The following SLC27A5 variants were observed in gnomAD, a reference collection of about 807,000 sequenced individuals.
SLC27A5 encodes solute carrier family 27 member 5.
A neutral mutation model predicts 63.1 loss-of-function variants in SLC27A5; 47 were observed. The ratio of observed to expected loss-of-function variants is 0.74; its 90% CI spans 0.59 to 0.95. The LOEUF (loss-of-function observed/expected upper bound fraction) is 0.95. Among genes scored for constraint, SLC27A5 ranks in the 40% least tolerant of loss-of-function variants. SLC27A5 has a pLI of 0.00. For synonymous variants in SLC27A5, 391 were observed against 403.8 expected (o/e 0.97, Z 0.38); for missense variants, 940 against 921.0 (o/e 1.02, Z -0.27).
rs560422843 is a variant in SLC27A5 at position 58,509,415 on chromosome 19, T to TA, written c.1057+431dup. On this transcript the variant is annotated intron_variant, in intron 3 of 9. Transcript: ENST00000263093. ...AAAAATAAATAAATAAAAATTAAAATAAAAAAAAAAGAGAGAAAACAAAAA... is the reference window on the plus strand; with the variant it reads ...AAAAATAAATAAATAAAAATTAAAATAAAAAAAAAAAGAGAGAAAACAAAAA... The TA allele has an allele frequency of 1.4e-3, 203 of 145,362 alleles. 1 individual carries two copies. The highest frequency in any genetic ancestry group is 1.5e-3 in the African/African-American group (59 of 39,252). The allele number at this position is 145,362 out of a possible 1,614,324, so 9.0% of individuals were successfully genotyped here.
In SLC27A5 at chr19:58,500,869, G is replaced by A. The variant is rs1465061155; in HGVS notation, c.1183-163C>T. ...ATCTACCTGGGTTACTTACATGAGAGTAGTTACTGGAGTCTTAAATAGAGG... is the reference window on the plus strand; with the variant it reads ...ATCTACCTGGGTTACTTACATGAGAATAGTTACTGGAGTCTTAAATAGAGG... On this transcript the variant is annotated intron_variant, in intron 4 of 9. Transcript: ENST00000263093. 2.8e-6 allele frequency: 4 copies of A among 1,431,472 alleles called. No homozygotes were observed. The African/African-American group carries it at 4.3e-5, about 15-fold the overall frequency. 88.7% of individuals were successfully genotyped at this position (1,431,472 alleles called of 1,614,324 possible).
chr19:58,499,115 C>T lies in SLC27A5; in HGVS notation c.1765+8G>A, dbSNP rs1222541267. On this transcript the variant is annotated splice_region_variant and intron_variant, in intron 8 of 9. Coordinates refer to ENST00000263093, the MANE Select transcript of SLC27A5 (RefSeq NM_012254.3). ...CTGTTGGAAGTTTAAAATGAGAACC[C>T]TCCGCACCTGGCACGCACACGCCAT... 2 of 1,613,788 alleles carry T rather than the reference C, an allele frequency of 1.2e-6. No individual in the cohort carries two copies. The highest frequency in any genetic ancestry group is 1.7e-6 in the Non-Finnish European group (2 of 1,179,976).
intron 3 of SLC27A5, among the ~76,000 whole-genome samples, chr19:58,505,860 A>AC (rs979355721): frequency 6.6e-6 from 1 of 151,048 alleles, no homozygotes; most frequent in African/African-American, 2.4e-5. Context: ...AAAAAAAAAA[A>AC]AAAAACATTT....
chr19:58,504,999 C>G (rs2053328676), intron 3 of SLC27A5, among the ~76,000 whole-genome samples: 1 of 150,466 alleles, frequency 6.6e-6, no homozygotes, highest in African/African-American at 2.4e-5. Context: ...GAGCGAGACT[C>G]CATCTCAAAG....
Position 58,501,304 on chromosome 19 carries a change from G to A in SLC27A5, c.1164C>T (p.Tyr388=), listed in dbSNP as rs746567408. Reference sequence around the variant, plus strand: ...GCCTCACCTGGGGAATGTTACACAAGTACCGCAGGAGCTCGCCCACATACA... The same window carrying A: ...GCCTCACCTGGGGAATGTTACACAAATACCGCAGGAGCTCGCCCACATACA... The part of the protein sequence containing the change: ...VILYVGELLR[Y]LCNIPQQPED... Residue 388 remains tyrosine, a synonymous_variant, in exon 4 of 10, where the codon TAC becomes TAT. Transcript: ENST00000263093. The A allele has an allele frequency of 8.1e-6, 13 of 1,613,450 alleles. No individual in the cohort carries two copies. Among genetic ancestry groups the A allele is most frequent in the Non-Finnish European group, 1.1e-5 (13 of 1,179,694 alleles).
rs1337292474 is a variant in SLC27A5, at chr19:58,510,772, C to G, written c.847G>C (p.Gly283Arg). 6.2e-7 allele frequency: 1 copy of G among 1,613,464 alleles called. No individual in the cohort carries two copies. The change falls in exon 2 of 10, where the codon GGG becomes CGG. Residue 283 changes from glycine (G) to arginine (R), a missense_variant. Coordinates refer to ENST00000263093, the MANE Select transcript of SLC27A5 (RefSeq NM_012254.3). Reference protein sequence around the residue: ...SHPVPADLRAGITWRSPALFI... With the variant: ...SHPVPADLRARITWRSPALFI... ...AGGGCAGGGCTTCTCCATGTGATCC[C>G]AGCACGCAGGTCAGCAGGCACTGGG...
rs1201789683 is a variant in SLC27A5 at position 58,499,234 on chromosome 19, G to A, written c.1668-14C>T. The A allele has an allele frequency of 6.2e-7, 1 of 1,611,796 alleles. No individual in the cohort carries two copies. The highest frequency in any genetic ancestry group is 1.1e-5 in the South Asian group (1 of 91,010). ...TCGCCCTTCCATCTGCAAGGAGGGA[G>A]CCGGCGCTTGTGACCACGCCCCCGG... On this transcript the variant is annotated splice_polypyrimidine_tract_variant and intron_variant, in intron 7 of 9. Transcript: ENST00000263093.
intron 7 of SLC27A5, 62 bp from the exon 8 acceptor site, chr19:58,499,282 CCCCCG>C: frequency 6.7e-7 from 1 of 1,499,896 alleles, no homozygotes; most frequent in Non-Finnish European, 9.1e-7. Context: ...CCGCCTCTTG[CCCCCG>C]CCCCGCCCCT....
At chr19:58,499,073 C>G (rs748932500) in intron 8 of SLC27A5, 50 bp downstream of exon 8, 5 of 1,608,342 alleles carry the variant, frequency 3.1e-6, no homozygotes, top group Non-Finnish European at 1.7e-6. Context: ...AGAATAACGA[C>G]CCCTCCACCC....
chr19:58,500,837 C>T, intron 4 of SLC27A5, 131 bp from the exon 5 acceptor site: 1 of 1,461,230 alleles, frequency 6.8e-7, no homozygotes. Flanking sequence ...GGACCTCTAC[C>T]TAAGGGATCT....
Position 58,511,958 on chromosome 19 carries a change from T to C in SLC27A5, c.-3A>G, listed in dbSNP as rs763155994. 12 of 1,531,970 alleles carry C rather than the reference T, an allele frequency of 7.8e-6. No individual in the cohort carries two copies. Among genetic ancestry groups the C allele is most frequent in the African/African-American group, 1.4e-5 (1 of 72,896 alleles). 94.9% of individuals were successfully genotyped at this position (1,531,970 alleles called of 1,614,324 possible). The stretch of plus-strand genomic sequence containing the variant: ...GCCAACTGTTGCCTGACACCCATGG[T>C]ACCAGCTCCTCCCTAGGAGCAGCAG... On this transcript the variant is annotated 5_prime_UTR_variant, in exon 1 of 10. Transcript: ENST00000263093.
rs1414101672 is a variant in SLC27A5, at chr19:58,498,370, C to T, written c.*145G>A. On this transcript the variant is annotated 3_prime_UTR_variant, in exon 10 of 10. Coordinates refer to ENST00000263093, the MANE Select transcript of SLC27A5 (RefSeq NM_012254.3). The stretch of plus-strand genomic sequence containing the variant: ...ATCTGAGTTTATTCTGCCACTGCTA[C>T]AGGGCCCACTGTCATTTCCAGCCCA... 9 of 769,492 alleles carry T rather than the reference C, an allele frequency of 1.2e-5. No individual in the cohort carries two copies. The highest frequency in any genetic ancestry group is 1.8e-5 in the African/African-American group (1 of 56,928). The allele number at this position is 769,492 out of a possible 1,614,324, so 47.7% of individuals were successfully genotyped here.
At position 58,500,569 on chromosome 19, in the gene SLC27A5, G is replaced by C; in HGVS notation, c.1320C>G (p.Gly440=). The C allele has an allele frequency of 3.1e-6, 5 of 1,614,126 alleles. No homozygotes were observed. Among genetic ancestry groups the C allele is most frequent in the Non-Finnish European group, 4.2e-6 (5 of 1,180,038 alleles). The stretch of plus-strand genomic sequence containing the variant: ...CGCAGCGCCCCACATAGTTGACTAA[G>C]CCCATGTTGCCTTCTGTGGAGCCGT... ...EVYGSTEGNM[G]LVNYVGRCGA... is the part of the protein sequence containing the mutation. Residue 440 remains glycine (G), a synonymous_variant, in exon 5 of 10, where the codon GGC becomes GGG. Coordinates refer to ENST00000263093, the MANE Select transcript of SLC27A5 (RefSeq NM_012254.3).
chr19:58,500,418 G>A lies in SLC27A5; in HGVS notation c.1389C>T (p.Pro463=), dbSNP rs1227787090. Residue 463 remains proline (P), a synonymous_variant, in exon 6 of 10, where the codon CCC becomes CCT. Coordinates refer to ENST00000263093, the MANE Select transcript of SLC27A5 (RefSeq NM_012254.3). The stretch of plus-strand genomic sequence containing the variant: ...CCATGTCGAACTGCACCAGCTCAAA[G>A]GGGGACAGCATCTGGGGTGGAGGGT... The part of the protein sequence containing the change: ...KMSCLLRMLS[P]FELVQFDMEA... 2 of 1,613,724 alleles carry A rather than the reference G, an allele frequency of 1.2e-6. No homozygotes were observed. Among genetic ancestry groups the A allele is most frequent in the Non-Finnish European group, 8.5e-7 (1 of 1,180,024 alleles).
In SLC27A5 at chr19:58,508,057, G is replaced by A. The variant is rs2122519582; in HGVS notation, c.1057+1790C>T. ...TCAGTAGTTCCGTTTTTTGCCCTTT[G>A]AAGCATGTGATCTTTGTACCTATTC... On this transcript the variant is annotated intron_variant, in intron 3 of 9. Coordinates refer to ENST00000263093, the MANE Select transcript of SLC27A5 (RefSeq NM_012254.3). The A allele has an allele frequency of 1.3e-5, 2 of 152,162 alleles. 1 individual carries two copies. Among genetic ancestry groups the A allele is most frequent in the Middle Eastern group, 6.8e-3 (2 of 294 alleles). 9.4% of individuals were successfully genotyped at this position (152,162 alleles called of 1,614,324 possible).
Position 58,511,725 on chromosome 19 carries a change from T to C in SLC27A5, c.231A>G (p.Pro77=), listed in dbSNP as rs368809545. Reference sequence around the variant, plus strand: ...AGCGTAGTCCTGGGGGCAGCCGTGCTGGCAGGAGGGTTAGTGCCAGGGCCG... The same window carrying C: ...AGCGTAGTCCTGGGGGCAGCCGTGCCGGCAGGAGGGTTAGTGCCAGGGCCG... ...AAAALALTLL[P]ARLPPGLRWL... Residue 77 remains proline (P), a synonymous_variant, in exon 1 of 10, where the codon CCA becomes CCG. Coordinates refer to ENST00000263093, the MANE Select transcript of SLC27A5 (RefSeq NM_012254.3). 17 of 1,556,280 alleles carry C rather than the reference T, an allele frequency of 1.1e-5. No individual in the cohort carries two copies. The highest frequency in any genetic ancestry group is 1.1e-5 in the Non-Finnish European group (13 of 1,149,708).
intron 3 of SLC27A5, among the ~76,000 whole-genome samples, chr19:58,501,925 C>T (rs1364542218): frequency 2.0e-5 from 3 of 152,200 alleles, no homozygotes; most frequent in Non-Finnish European, 2.9e-5. Flanking sequence ...GTGATCCACC[C>T]GCCTCGGCCT....
At position 58,498,402 on chromosome 19, in the gene SLC27A5, T is replaced by G. The variant is rs764052695; in HGVS notation, c.*113A>C. ...CACTGTCATTTCCAGCCCACTGAGG[T>G]TGAGGGTATGGCCAGGCTGGGATTC... On this transcript the variant is annotated 3_prime_UTR_variant, in exon 10 of 10. Coordinates refer to ENST00000263093, the MANE Select transcript of SLC27A5 (RefSeq NM_012254.3). 4.6e-6 allele frequency: 5 copies of G among 1,093,504 alleles called. No homozygotes were observed. The highest frequency in any genetic ancestry group is 1.6e-5 in the African/African-American group (1 of 63,292). The allele number at this position is 1,093,504 out of a possible 1,614,324, so 67.7% of individuals were successfully genotyped here. A position where few individuals can be genotyped will look rare whatever the true frequency, so the allele number is the denominator to read the frequency against.
rs1292995865 is a variant in SLC27A5 at position 58,511,281 on chromosome 19, C to A, written c.675G>T (p.Leu225=). ...HSVLSSGARV[L]VVDPDLRESL... ...CAAGGCCCTCACCTGGGTCCACCAC[C>A]AGCACCCGGGCCCCAGAGCTCAGCA... The change falls in exon 1 of 10, where the codon CTG becomes CTT. Residue 225 remains leucine (L), a synonymous_variant. Transcript: ENST00000263093. 6.5e-7 allele frequency: 1 copy of A among 1,548,280 alleles called. No individual in the cohort carries two copies. Among genetic ancestry groups the A allele is most frequent in the South Asian group, 1.2e-5 (1 of 83,278 alleles).
Sources: gnomAD v4.1 joint callset for allele counts (sites outside exome capture counted in the v4.1 genomes callset) on GRCh38, gnomAD v4.1.1 for gene constraint, MANE v1.5 for transcripts, NCBI Gene and HGNC (gene_info 2026-07-23, HGNC 2026-07-21) for gene names.